Variants in SLFN11 observed in about 807,000 individuals in gnomAD.
SLFN11 encodes the protein schlafen family member 11.
In SLFN11, 43 loss-of-function variants were observed where a neutral mutation model predicts 53.4. The observed-to-expected ratio is 0.80, with a 90% CI of 0.63 to 1.04. The LOEUF (loss-of-function observed/expected upper bound fraction) is 1.04. SLFN11 is among the 50% of genes least tolerant of loss of function. The pLI, the probability that SLFN11 is intolerant of heterozygous loss-of-function variation, is 0.00. For synonymous variants in SLFN11, 389 were observed against 394.7 expected, an observed-to-expected ratio of 0.99 and a Z score of 0.17; for missense variants, 990 against 1,079.1, an observed-to-expected ratio of 0.92 and a Z score of 1.16.
At chr17:35,373,445 G>A (rs910310981) in intron 1 of SLFN11, 29 bp downstream of exon 1, 1 of 151,672 alleles carries the variant, frequency 6.6e-6, no homozygotes, top group Non-Finnish European at 1.5e-5. Context: ...CTGGGGTGGG[G>A]TGGGAAGGGT....
At position 35,352,292 on chromosome 17, in the gene SLFN11, G is replaced by T. The variant is rs2141917951; in HGVS notation, c.*64C>A. 6.4e-7 allele frequency: 1 copy of T among 1,567,856 alleles called. No homozygotes were observed. The highest frequency in any genetic ancestry group is 8.7e-7 in the Non-Finnish European group (1 of 1,151,294). ...TCTGACTTGTGAACTAAAAAGAAAG[G>T]TTTCTACCATCAGCAGACTGTCACC... On this transcript the variant is annotated 3_prime_UTR_variant, in exon 7 of 7. Transcript: ENST00000685675.
In SLFN11 at chr17:35,353,413, C is replaced by T. The variant is rs1907013986; in HGVS notation, c.1845G>A (p.Lys615=). ...KTIMAMKIME[K]IRNVFHCEAH... is the part of the protein sequence containing the mutation. Reference sequence around the variant, plus strand: ...CCTCACAGTGAAACACATTCCTGATCTTCTCCATGATCTTCATGGCCATGA... The same window carrying T: ...CCTCACAGTGAAACACATTCCTGATTTTCTCCATGATCTTCATGGCCATGA... The change falls in exon 6 of 7, where the codon AAG becomes AAA. Residue 615 remains lysine, a synonymous_variant. Transcript: ENST00000685675. 6.2e-7 allele frequency: 1 copy of T among 1,608,254 alleles called. No homozygotes were observed. The highest frequency in any genetic ancestry group is 8.5e-7 in the Non-Finnish European group (1 of 1,177,036).
At chr17:35,354,309 C>T (rs1451623080) in intron 5 of SLFN11, among the ~76,000 whole-genome samples, 1 of 152,060 alleles carries the variant, frequency 6.6e-6, no homozygotes, top group Non-Finnish European at 1.5e-5. Flanking sequence ...ACTTTGCTGT[C>T]TCATCTGTAA....
intron 1 of SLFN11, among the ~76,000 whole-genome samples, chr17:35,372,015 G>A (rs932163191): frequency 8.7e-4 from 133 of 152,118 alleles, no homozygotes; most frequent in African/African-American, 3.1e-3. Flanking sequence ...AGAGACATCT[G>A]CACTCCTATG....
intron 5 of SLFN11, among the ~76,000 whole-genome samples, chr17:35,357,021 A>T (rs755520321): frequency 1.3e-5 from 2 of 152,084 alleles, no homozygotes; most frequent in African/African-American, 4.8e-5. Context: ...GTAGACGGAA[A>T]TAATTCTCCT....
chr17:35,354,602 T>C (rs1907237116), intron 5 of SLFN11, among the ~76,000 whole-genome samples: 1 of 152,120 alleles, frequency 6.6e-6, no homozygotes, highest in South Asian at 2.1e-4. Flanking sequence ...GACTGGAAGA[T>C]TCTTAAAGCT....
chr17:35,356,124 T>C (rs1597703561), intron 5 of SLFN11, among the ~76,000 whole-genome samples: 1 of 152,116 alleles, frequency 6.6e-6, no homozygotes, highest in South Asian at 2.1e-4. Context: ...ACTCCAGTTA[T>C]AGACAAAATT....
intron 2 of SLFN11, chr17:35,367,310 T>TTG: frequency 6.6e-6 from 1 of 152,230 alleles, no homozygotes; most frequent in Middle Eastern, 3.4e-3. Flanking sequence ...TGGTTGGCAA[T>TTG]TGTATTTAAA....
chr17:35,370,737 A>G (rs1229203430), intron 1 of SLFN11, among the ~76,000 whole-genome samples: 1 of 152,112 alleles, frequency 6.6e-6, no homozygotes, highest in Non-Finnish European at 1.5e-5. Flanking sequence ...CACAAATAAA[A>G]TTAAATACCT....
chr17:35,355,308 G>A (rs547787233), intron 5 of SLFN11, among the ~76,000 whole-genome samples: 24 of 152,180 alleles, frequency 1.6e-4, no homozygotes, highest in Admixed American at 2.6e-4. Flanking sequence ...GCTGAGGTGG[G>A]AGGATTGCTT....
At position 35,363,437 on chromosome 17, in the gene SLFN11, C is replaced by T. The variant is rs770564755; in HGVS notation, c.371G>A (p.Arg124His). 1.3e-5 allele frequency: 21 copies of T among 1,613,698 alleles called. No homozygotes were observed. The East Asian group carries it at 2.7e-4, about 21-fold the overall frequency. Residue 124 changes from arginine to histidine, a missense_variant, in exon 4 of 7, where the codon CGC becomes CAC. Arg to His is a conservative substitution (Grantham distance 29, BLOSUM62 0). This residue lies in a region of SLFN11 where 521 missense variants were observed against 516.2 expected (regional missense o/e 1.01). Transcript: ENST00000685675. ...PFPEDRSVKP[R>H]LCSLSSSLYR... ...TAATGAAGAACTGAGGCTGCAAAGGCGGGGCTTGACAGAGCGATCTTCAGG... is the reference window on the plus strand; with the variant it reads ...TAATGAAGAACTGAGGCTGCAAAGGTGGGGCTTGACAGAGCGATCTTCAGG...
intron 5 of SLFN11, among the ~76,000 whole-genome samples, chr17:35,356,505 T>C (rs1454785076): frequency 6.6e-6 from 1 of 152,144 alleles, no homozygotes; most frequent in African/African-American, 2.4e-5. Flanking sequence ...GAAATTACTT[T>C]ATGCAAATAC....
chr17:35,363,961 GAAT>G, intron 3 of SLFN11, 135 bp from the exon 4 acceptor site: 3 of 661,474 alleles, frequency 4.5e-6, no homozygotes, highest in Non-Finnish European at 7.2e-6. Context: ...TTTAGGAGAA[GAAT>G]GGCTGGCAAG....
intron 4 of SLFN11, among the ~76,000 whole-genome samples, chr17:35,360,609 A>G (rs116318027): frequency 1.1e-3 from 166 of 152,172 alleles, no homozygotes; most frequent in African/African-American, 3.9e-3. Context: ...ATTCAGTATA[A>G]TTCTTCATTC....
intron 3 of SLFN11, 53 bp downstream of exon 3, chr17:35,366,894 A>T (rs1909019494): frequency 1.3e-5 from 2 of 152,048 alleles, no homozygotes; most frequent in South Asian, 4.1e-4. Flanking sequence ...CATCATGGTG[A>T]AATCTCACCT....
intron 5 of SLFN11, among the ~76,000 whole-genome samples, chr17:35,355,785 G>C (rs1369810041): frequency 6.6e-6 from 1 of 152,064 alleles, no homozygotes; most frequent in Non-Finnish European, 1.5e-5. Flanking sequence ...CATGTGATTT[G>C]AGGACTCTGT....
In SLFN11 at chr17:35,363,828, T is replaced by G. The variant is rs1908597035; in HGVS notation, c.-19-2A>C. The G allele has an allele frequency of 6.5e-7, 1 of 1,533,972 alleles. No individual in the cohort carries two copies. The highest frequency in any genetic ancestry group is 8.7e-7 in the Non-Finnish European group (1 of 1,144,710). On this transcript the variant is annotated splice_acceptor_variant, in intron 3 of 6. Coordinates refer to ENST00000685675, the MANE Select transcript of SLFN11 (RefSeq NM_001376007.1). LOFTEE classifies it low-confidence loss of function (5UTR_SPLICE). Reference sequence around the variant, plus strand: ...TCCATGTTGAACTCACAGCTGAAACTATTAGAAGAAATGAAGTGTTACATG... The same window carrying G: ...TCCATGTTGAACTCACAGCTGAAACGATTAGAAGAAATGAAGTGTTACATG...
chr17:35,353,998 G>A lies in SLFN11; in HGVS notation c.1260C>T (p.His420=). The A allele has an allele frequency of 6.2e-7, 1 of 1,613,950 alleles. No individual in the cohort carries two copies. Among genetic ancestry groups the A allele is most frequent in the African/African-American group, 1.3e-5 (1 of 75,034 alleles). ...TATTTATTAACTCCTCTAGTCCTCT[G>A]TGCTCTGAGATCAGGTCCCTCCAGA... ...ESLWRDLISE[H]RGLEELINKQ... The change falls in exon 6 of 7, where the codon CAC becomes CAT. Residue 420 remains histidine, a synonymous_variant. Transcript: ENST00000685675.
rs767716513 is a variant in SLFN11 at position 35,352,521 on chromosome 17, A to C, written c.2541T>G (p.Asp847Glu). ...GCCGAACACTGTCCAACACAATGTG[A>C]TCACCCAACATATCACATGCATCAC... ...QLSDACDMLG[D>E]HIVLDSVRRF... Residue 847 changes from aspartate (D) to glutamate (E), a missense_variant, in exon 7 of 7, where the codon GAT (aspartate) becomes GAG (glutamate). By Grantham distance (45) the Asp-to-Glu change is conservative. This residue lies in a region of SLFN11 where 313 missense variants were observed against 320.9 expected (regional missense o/e 0.98). Coordinates refer to ENST00000685675, the MANE Select transcript of SLFN11 (RefSeq NM_001376007.1). The C allele has an allele frequency of 9.3e-6, 15 of 1,614,052 alleles. No individual in the cohort carries two copies. The East Asian group carries it at 1.6e-4, about 17-fold the overall frequency.
Sources: allele counts gnomAD v4.1 joint callset (sites outside exome capture counted in the v4.1 genomes callset), GRCh38; gene constraint gnomAD v4.1.1; regional missense constraint gnomAD v4.1.1; transcripts MANE v1.5; gene names NCBI Gene and HGNC (gene_info 2026-07-23, HGNC 2026-07-21).